OSBPL1A: variants seen among roughly 807,000 people sequenced by gnomAD.
OSBPL1A encodes the protein oxysterol binding protein like 1A.
A neutral mutation model predicts 137.1 loss-of-function variants in OSBPL1A; 80 were observed. The ratio of observed to expected loss-of-function variants is 0.58; its 90% confidence interval spans 0.49 to 0.70. The LOEUF is 0.70. Ranked by LOEUF, OSBPL1A falls within the 30% of genes least tolerant of loss-of-function variation. The pLI is 0.00. For missense variants in OSBPL1A, 970 were observed against 1,129.4 expected (o/e 0.86, Z 2.02); for synonymous variants, 365 against 389.7 (o/e 0.94, Z 0.75).
chr18:24,281,659 G>A (rs896061699), intron 14 of OSBPL1A, among the ~76,000 whole-genome samples: 2 of 152,202 alleles, frequency 1.3e-5, no homozygotes, highest in African/African-American at 4.8e-5. Context: ...GCAAAGTGCT[G>A]GGATTACAGG....
chr18:24,319,923 T>G (rs950796453), intron 7 of OSBPL1A, among the ~76,000 whole-genome samples: 30 of 148,300 alleles, frequency 2.0e-4, no homozygotes, highest in African/African-American at 7.2e-4. Flanking sequence ...GGCGGAAGGA[T>G]GGCTTGAGGC....
chr18:24,351,138 A>G (rs535523358), intron 4 of OSBPL1A, among the ~76,000 whole-genome samples: 2 of 152,016 alleles, frequency 1.3e-5, no homozygotes, highest in Non-Finnish European at 2.9e-5. Context: ...ATTTAAGGTC[A>G]GGAGTTCGAG....
At chr18:24,203,148 T>C (rs2087267328) in intron 17 of OSBPL1A, among the ~76,000 whole-genome samples, 1 of 152,178 alleles carries the variant, frequency 6.6e-6, no homozygotes. Flanking sequence ...TGGCTCATTT[T>C]GTATTTTTAG....
chr18:24,239,417 A>G, intron 15 of OSBPL1A, 35 bp from the exon 16 acceptor site: 1 of 1,581,456 alleles, frequency 6.3e-7, no homozygotes, highest in Non-Finnish European at 8.7e-7. Flanking sequence ...AAGACTTCAG[A>G]GTGACAGGAG....
At chr18:24,248,794 A>T (rs2088982605) in intron 15 of OSBPL1A, among the ~76,000 whole-genome samples, 1 of 152,270 alleles carries the variant, frequency 6.6e-6, no homozygotes, top group South Asian at 2.1e-4. Context: ...GCAAGGTGAT[A>T]ATGATACTTG....
At chr18:24,249,780 C>T (rs890021745) in intron 15 of OSBPL1A, among the ~76,000 whole-genome samples, 18 of 152,170 alleles carry the variant, frequency 1.2e-4, no homozygotes, top group Non-Finnish European at 2.6e-4. Context: ...CTTCGTCACC[C>T]GCGGCCAAAG....
At chr18:24,205,855 T>C (rs1268239325) in intron 17 of OSBPL1A, among the ~76,000 whole-genome samples, 1 of 152,216 alleles carries the variant, frequency 6.6e-6, no homozygotes, top group Non-Finnish European at 1.5e-5. Flanking sequence ...TGAAATGGTT[T>C]TCACCACTTG....
intron 24 of OSBPL1A, among the ~76,000 whole-genome samples, chr18:24,168,464 C>A (rs2086195502): frequency 6.6e-6 from 1 of 152,170 alleles, no homozygotes; most frequent in Non-Finnish European, 1.5e-5. Context: ...ATACAGGGAG[C>A]CAGCATTTCC....
intron 14 of OSBPL1A, among the ~76,000 whole-genome samples, chr18:24,295,965 T>C (rs2090283219): frequency 6.6e-6 from 1 of 152,196 alleles, no homozygotes. Context: ...TTCTTTTTTC[T>C]TAGTATTACT....
intron 5 of OSBPL1A, among the ~76,000 whole-genome samples, 177 bp from the exon 6 acceptor site, chr18:24,334,507 G>C (rs987588245): frequency 1.2e-4 from 19 of 152,056 alleles, no homozygotes; most frequent in Non-Finnish European, 2.4e-4. Flanking sequence ...ATTTATTTCA[G>C]GTTTGGATGA....
intron 16 of OSBPL1A, among the ~76,000 whole-genome samples, chr18:24,233,962 C>G (rs1259565314): frequency 6.6e-6 from 1 of 151,964 alleles, no homozygotes; most frequent in Admixed American, 6.6e-5. Context: ...TATTATCTTA[C>G]AAACAAAACA....
chr18:24,217,811 T>C (rs1004503197), intron 17 of OSBPL1A, among the ~76,000 whole-genome samples: 11 of 152,162 alleles, frequency 7.2e-5, no homozygotes, highest in African/African-American at 2.7e-4. Context: ...TCATAGGAAG[T>C]ACCTATGGTT....
intron 14 of OSBPL1A, among the ~76,000 whole-genome samples, chr18:24,289,654 CA>C (rs1194094595): frequency 6.6e-6 from 1 of 152,086 alleles, no homozygotes; most frequent in African/African-American, 2.4e-5. Context: ...CTCCTGACCT[CA>C]GGTGATCTGC....
intron 17 of OSBPL1A, among the ~76,000 whole-genome samples, chr18:24,198,563 G>A (rs930006246): frequency 1.3e-5 from 2 of 152,082 alleles, no homozygotes; most frequent in African/African-American, 4.8e-5. Flanking sequence ...ATTTTCTTCC[G>A]TAGGACACGC....
At chr18:24,308,855 C>T (rs574173647) in intron 13 of OSBPL1A, among the ~76,000 whole-genome samples, 216 of 152,150 alleles carry the variant, frequency 1.4e-3, no homozygotes, top group African/African-American at 4.6e-3. Flanking sequence ...CTGTGCGCCC[C>T]GCCCCGCTGG....
chr18:24,188,045 A>G (rs2086795594), intron 18 of OSBPL1A, among the ~76,000 whole-genome samples: 1 of 152,224 alleles, frequency 6.6e-6, no homozygotes, highest in Non-Finnish European at 1.5e-5. Flanking sequence ...AGAAAGGAAG[A>G]GCTTTACCTG....
chr18:24,340,521 C>A (rs1477464376), intron 5 of OSBPL1A, among the ~76,000 whole-genome samples: 1 of 151,636 alleles, frequency 6.6e-6, no homozygotes, highest in African/African-American at 2.4e-5. Context: ...AAATAAATAG[C>A]GAGCCAGGCA....
intron 5 of OSBPL1A, among the ~76,000 whole-genome samples, chr18:24,338,115 C>G (rs2091208957): frequency 6.6e-6 from 1 of 151,258 alleles, no homozygotes; most frequent in East Asian, 1.9e-4. Context: ...CACTGTTGGC[C>G]AGGCGGGAGT....
intron 17 of OSBPL1A, among the ~76,000 whole-genome samples, chr18:24,198,861 TTG>T (rs1462390902): frequency 7.4e-6 from 1 of 135,002 alleles, no homozygotes; most frequent in African/African-American, 2.9e-5. Context: ...TTTTTTTTTG[TTG>T]TTTTTTTTTT....
Sources: gnomAD v4.1 joint callset for allele counts (sites outside exome capture counted in the v4.1 genomes callset) on GRCh38, gnomAD v4.1.1 for gene constraint, MANE v1.5 for transcripts, NCBI Gene and HGNC (gene_info 2026-07-23, HGNC 2026-07-21) for gene names.